Variants in EXOC4 observed in about 807,000 individuals in gnomAD.
EXOC4 encodes SEC8-like 1.
Under a neutral mutation model 107.2 loss-of-function variants are expected in EXOC4, and 71 were observed. The observed-to-expected ratio is 0.66, with a 90% CI of 0.55 to 0.81. The LOEUF (loss-of-function observed/expected upper bound fraction) is 0.81. Among genes scored for constraint, EXOC4 ranks in the 30% least tolerant of loss-of-function variants. EXOC4 has a pLI of 0.00. For synonymous variants in EXOC4, 456 were observed against 441.2 expected (o/e 1.03, Z -0.42); for missense variants, 1,108 against 1,189.6 (o/e 0.93, Z 1.01).
chr7:133,404,885 TACACACACAC>T (rs68148382), intron 7 of EXOC4, among the ~76,000 whole-genome samples: 1 of 94,184 alleles, frequency 1.1e-5, no homozygotes, highest in Admixed American at 1.3e-4. Flanking sequence ...CCCCCCCCAA[TACACACACAC>T]ACACACACGC....
At chr7:133,920,584 C>T (rs1430991840) in intron 13 of EXOC4, among the ~76,000 whole-genome samples, 3 of 152,174 alleles carry the variant, frequency 2.0e-5, no homozygotes, top group African/African-American at 7.2e-5. Context: ...AGAGTATTCC[C>T]AATTCTTCCT....
intron 7 of EXOC4, among the ~76,000 whole-genome samples, chr7:133,405,350 T>G (rs1797192253): frequency 6.6e-6 from 1 of 152,190 alleles, no homozygotes; most frequent in Non-Finnish European, 1.5e-5. Flanking sequence ...AATAAATATT[T>G]GAGTAAAGAT....
intron 17 of EXOC4, among the ~76,000 whole-genome samples, chr7:134,045,096 C>G (rs144336973): frequency 1.3e-5 from 2 of 152,246 alleles, no homozygotes; most frequent in Admixed American, 1.3e-4. Context: ...GTGAAAGGAC[C>G]TGGTATATAG....
At chr7:133,755,255 ATATATATATT>A (rs1795882470) in intron 10 of EXOC4, among the ~76,000 whole-genome samples, 1 of 100,428 alleles carries the variant, frequency 1.0e-5, no homozygotes. Flanking sequence ...TATATATATT[ATATATATATT>A]ATATATATTA....
At chr7:133,833,348 A>G (rs1418999589) in intron 11 of EXOC4, among the ~76,000 whole-genome samples, 1 of 152,130 alleles carries the variant, frequency 6.6e-6, no homozygotes, top group Non-Finnish European at 1.5e-5. Flanking sequence ...TCATTTAGAG[A>G]TAGCAACAAG....
At chr7:133,840,473 T>C (rs1798002765) in intron 11 of EXOC4, among the ~76,000 whole-genome samples, 2 of 149,466 alleles carry the variant, frequency 1.3e-5, no homozygotes, top group Non-Finnish European at 2.9e-5. Flanking sequence ...TGGAAAGTTT[T>C]ATTTATTATT....
At chr7:133,970,868 A>G (rs765040040) in intron 14 of EXOC4, among the ~76,000 whole-genome samples, 5 of 123,406 alleles carry the variant, frequency 4.1e-5, no homozygotes, top group Non-Finnish European at 8.2e-5. Flanking sequence ...GTCACCAGGA[A>G]ACTGCAGGTT....
intron 7 of EXOC4, among the ~76,000 whole-genome samples, chr7:133,407,965 C>G (rs1797261454): frequency 6.6e-6 from 1 of 152,056 alleles, no homozygotes; most frequent in Non-Finnish European, 1.5e-5. Flanking sequence ...TTGAAGTCAA[C>G]TAGAACTTAA....
Position 133,516,966 on chromosome 7 carries a change from A to G in EXOC4, c.1417+36828A>G, listed in dbSNP as rs151192799. 1.8e-3 allele frequency among the ~76,000 whole-genome samples: 268 copies of G among 151,776 alleles called. 1 individual carries two copies. The highest frequency in any genetic ancestry group is 6.0e-3 in the African/African-American group (250 of 41,398). On this transcript the variant is annotated intron_variant, in intron 9 of 17. Coordinates refer to ENST00000253861, the MANE Select transcript of EXOC4 (RefSeq NM_021807.4). ...CATTTATACACATCCACCTAAATCT[A>G]TTCTTTCTAAAATGCATATATCTAT...
the EXOC4 span, among the ~76,000 whole-genome samples, chr7:134,077,058 G>T: frequency 1.3e-5 from 2 of 152,082 alleles, no homozygotes; most frequent in South Asian, 2.1e-4. Context: ...AGACTGAGAA[G>T]TTCCCTAATC....
intron 10 of EXOC4, among the ~76,000 whole-genome samples, chr7:133,811,845 C>A (rs568949479): frequency 6.6e-6 from 1 of 152,252 alleles, no homozygotes; most frequent in South Asian, 2.1e-4. Context: ...GCATTACATG[C>A]CAGATAGATT....
intron 11 of EXOC4, among the ~76,000 whole-genome samples, chr7:133,864,119 C>G (rs1009095863): frequency 1.4e-4 from 22 of 152,096 alleles, no homozygotes; most frequent in Non-Finnish European, 5.9e-5. Context: ...TAAAATAGTA[C>G]AGAGCTTTGT....
intron 10 of EXOC4, among the ~76,000 whole-genome samples, chr7:133,705,641 A>G (rs960057584): frequency 2.0e-5 from 3 of 152,202 alleles, no homozygotes; most frequent in Non-Finnish European, 2.9e-5. Context: ...CTCTGGGGCC[A>G]TTATTAAGTA....
chr7:133,948,954 G>T (rs1800622267), intron 14 of EXOC4, among the ~76,000 whole-genome samples: 1 of 152,172 alleles, frequency 6.6e-6, no homozygotes, highest in East Asian at 1.9e-4. Context: ...CCCCACGGAG[G>T]CAATGCTGTT....
chr7:133,763,301 G>A (rs753211250), intron 10 of EXOC4, among the ~76,000 whole-genome samples: 3 of 152,036 alleles, frequency 2.0e-5, no homozygotes, highest in Non-Finnish European at 4.4e-5. Flanking sequence ...ATGCTGTCTC[G>A]AAGTCACCAG....
chr7:133,870,998 G>C (rs1798739134), intron 11 of EXOC4, among the ~76,000 whole-genome samples: 1 of 152,182 alleles, frequency 6.6e-6, no homozygotes, highest in Non-Finnish European at 1.5e-5. Flanking sequence ...CAGGGAGCTA[G>C]TTGTCAAATT....
intron 13 of EXOC4, among the ~76,000 whole-genome samples, chr7:133,923,982 G>T (rs749038536): frequency 2.6e-5 from 3 of 115,438 alleles, no homozygotes; most frequent in Non-Finnish European, 5.1e-5. Flanking sequence ...ATAGTGTAGA[G>T]AGTAACTTGA....
chr7:133,630,154 C>T lies in EXOC4; in HGVS notation c.1514+13C>T. The T allele has an allele frequency of 6.4e-7, 1 of 1,560,180 alleles. No individual in the cohort carries two copies. Among genetic ancestry groups the T allele is most frequent in the African/African-American group, 1.4e-5 (1 of 73,890 alleles). On this transcript the variant is annotated intron_variant, in intron 10 of 17. Transcript: ENST00000253861. ...ACCCATTACTAAGGTAAGTCAAGTGCTATGATATACTTACTGAAGATCAAT... is the reference window on the plus strand; with the variant it reads ...ACCCATTACTAAGGTAAGTCAAGTGTTATGATATACTTACTGAAGATCAAT...
chr7:133,623,853 C>T (rs1802389721), intron 9 of EXOC4, among the ~76,000 whole-genome samples: 1 of 152,142 alleles, frequency 6.6e-6, no homozygotes, highest in Non-Finnish European at 1.5e-5. Flanking sequence ...GTGGTAGGAG[C>T]AGCAACAGCA....
Sources: gnomAD v4.1 joint callset for allele counts (sites outside exome capture counted in the v4.1 genomes callset) on GRCh38, gnomAD v4.1.1 for gene constraint, MANE v1.5 for transcripts, NCBI Gene and HGNC (gene_info 2026-07-23, HGNC 2026-07-21) for gene names.